The following PRDM11 variants were observed in gnomAD, a reference collection of about 807,000 sequenced individuals.
PRDM11 encodes PR domain-containing protein 11.
A neutral mutation model predicts 97.8 loss-of-function variants in PRDM11; 20 were observed. That is an observed-to-expected ratio of 0.20 (90% CI 0.14 to 0.30). PRDM11 has a LOEUF of 0.30. Among genes scored for constraint, PRDM11 ranks in the 10% least tolerant of loss-of-function variants. The pLI, the probability that PRDM11 is intolerant of heterozygous loss-of-function variation, is 1.00. For synonymous variants in PRDM11, 599 were observed against 637.7 expected (o/e 0.94, Z 0.91); for missense variants, 1,139 against 1,555.2 (o/e 0.73, Z 4.50).
At chr11:45,129,258 T>C (rs1042181972) in intron 1 of PRDM11, among the ~76,000 whole-genome samples, 6 of 152,186 alleles carry the variant, frequency 3.9e-5, no homozygotes, top group Non-Finnish European at 8.8e-5. Context: ...AAGGCTACTA[T>C]CGCTACTTCT....
rs1029044058 is a variant in PRDM11, at chr11:45,219,879, G to A, written c.742+122G>A. The A allele has an allele frequency of 8.2e-6, 10 of 1,221,728 alleles. No individual in the cohort carries two copies. In the East Asian group the frequency reaches 1.5e-4, roughly 19 times the overall value. The allele number at this position is 1,221,728 out of a possible 1,614,324, so 75.7% of individuals were successfully genotyped here. A position where few individuals can be genotyped will look rare whatever the true frequency, so the allele number is the denominator to read the frequency against. The stretch of plus-strand genomic sequence containing the variant: ...GCAATGGGAAGACCCAGAGTGATTC[G>A]GGGGAACAGATGGTTGAGGTCTGAG... On this transcript the variant is annotated intron_variant, in intron 6 of 7. Coordinates refer to ENST00000683152, the MANE Select transcript of PRDM11 (RefSeq NM_001384648.1). This position sits in a 1 kb window ranked among gnomAD's most constrained non-coding sequence, Gnocchi z 4.2.
chr11:45,136,873 A>T (rs4495881), intron 1 of PRDM11, among the ~76,000 whole-genome samples: 3 of 151,692 alleles, frequency 2.0e-5, no homozygotes, highest in African/African-American at 4.9e-5. Flanking sequence ...CCGGGCACAG[A>T]GGCTCCTGCC....
intron 4 of PRDM11, among the ~76,000 whole-genome samples, chr11:45,183,624 CAT>C (rs1219544668): frequency 2.6e-5 from 4 of 152,248 alleles, no homozygotes; most frequent in African/African-American, 7.2e-5. Flanking sequence ...AGCAGGTACA[CAT>C]GTGATATCAG....
chr11:45,182,783 C>G, intron 3 of PRDM11, 78 bp from the exon 4 acceptor site: 1 of 1,461,876 alleles, frequency 6.8e-7, no homozygotes, highest in Non-Finnish European at 9.2e-7. Context: ...GGCCTCCTGT[C>G]AGCCCCTCTA....
chr11:45,169,303 A>G (rs1852144664), intron 1 of PRDM11, among the ~76,000 whole-genome samples: 1 of 152,226 alleles, frequency 6.6e-6, no homozygotes. Context: ...AAAATTCAGT[A>G]AGCAGTAACT....
upstream of PRDM11, chr11:45,095,742 A>T (rs1465119999): frequency 1.9e-5 from 13 of 692,442 alleles, no homozygotes; most frequent in Middle Eastern, 3.2e-4. Flanking sequence ...AATGCAGATT[A>T]TGATGGCCGC....
At chr11:45,111,471 A>C (rs962150680) in intron 1 of PRDM11, among the ~76,000 whole-genome samples, 1 of 152,122 alleles carries the variant, frequency 6.6e-6, no homozygotes. Context: ...AGCTGGCCCA[A>C]CTGAAGGGTG....
At chr11:45,103,770 T>C (rs1057316682) in intron 1 of PRDM11, among the ~76,000 whole-genome samples, 3 of 147,734 alleles carry the variant, frequency 2.0e-5, no homozygotes, top group African/African-American at 7.4e-5. Context: ...ATATAACATA[T>C]ATATTATATA....
intron 1 of PRDM11, among the ~76,000 whole-genome samples, chr11:45,156,525 G>A (rs1047711289): frequency 6.6e-6 from 1 of 152,236 alleles, no homozygotes; most frequent in Non-Finnish European, 1.5e-5. Flanking sequence ...TATGGTGAGA[G>A]ACATGCAGAC....
intron 1 of PRDM11, among the ~76,000 whole-genome samples, chr11:45,156,755 C>T (rs916685380): frequency 9.2e-5 from 14 of 152,168 alleles, no homozygotes; most frequent in African/African-American, 3.4e-4. Context: ...GAGAGCAAGT[C>T]ATTTCGCCCT....
chr11:45,212,812 C>T lies in PRDM11; in HGVS notation c.555-6758C>T, dbSNP rs144361707. 1.5e-4 allele frequency: 67 copies of T among 455,036 alleles called. 1 individual carries two copies. The East Asian group carries it at 3.5e-3, about 24-fold the overall frequency. The allele number at this position is 455,036 out of a possible 1,614,324, so 28.2% of individuals were successfully genotyped here. The stretch of plus-strand genomic sequence containing the variant: ...ACATGGCCAACAGCATGCACGTCAT[C>T]GGCCAGGCCATGGCCGAGCTGACCA... On this transcript the variant is annotated intron_variant, in intron 5 of 7. Coordinates refer to ENST00000683152, the MANE Select transcript of PRDM11 (RefSeq NM_001384648.1).
At chr11:45,146,311 A>G (rs1258199858), upstream of PRDM11, among the ~76,000 whole-genome samples, 1 of 152,246 alleles carries the variant, frequency 6.6e-6, no homozygotes, top group Non-Finnish European at 1.5e-5. Context: ...CGGGAGAGCC[A>G]GGGAGCCCCC....
intron 1 of PRDM11, among the ~76,000 whole-genome samples, chr11:45,106,317 G>A (rs1040968715): frequency 5.3e-5 from 8 of 152,134 alleles, no homozygotes; most frequent in Non-Finnish European, 1.0e-4. Context: ...AGCCGTTCTC[G>A]TTGGAGGCCC....
intron 1 of PRDM11, among the ~76,000 whole-genome samples, chr11:45,134,798 A>AT: frequency 6.6e-6 from 1 of 150,666 alleles, no homozygotes; most frequent in South Asian, 2.1e-4. Flanking sequence ...TAGCAATTTG[A>AT]TGCAGCAGCA....
At chr11:45,143,550 T>G (rs1055738938), upstream of PRDM11, among the ~76,000 whole-genome samples, 56 of 152,120 alleles carry the variant, frequency 3.7e-4, no homozygotes, top group African/African-American at 1.4e-3. Context: ...TAAGGAAATA[T>G]TTCACCACCC....
At chr11:45,134,880 T>A (rs1168815336) in intron 1 of PRDM11, among the ~76,000 whole-genome samples, 2 of 152,108 alleles carry the variant, frequency 1.3e-5, no homozygotes, top group Non-Finnish European at 1.5e-5. Context: ...AATCCTATAA[T>A]GTTTTCCATG....
rs1321104512 is a variant in PRDM11, at chr11:45,229,605, C to T, written c.*1446C>T. On this transcript the variant is annotated 3_prime_UTR_variant, in exon 8 of 8. Transcript: ENST00000683152. ...GTGGTTTAAACTAGAGGAGTCTGAT[C>T]AATGCTCTTTCATTCATTTAACTAC... is the stretch of plus-strand genomic sequence containing the variant. 1 of 152,168 alleles carries T rather than the reference C, an allele frequency of 6.6e-6. No individual in the cohort carries two copies. Among genetic ancestry groups the T allele is most frequent in the Non-Finnish European group, 1.5e-5 (1 of 68,044 alleles). 9.4% of individuals were successfully genotyped at this position (152,168 alleles called of 1,614,324 possible).
chr11:45,188,604 A>T (rs893707334), intron 4 of PRDM11, among the ~76,000 whole-genome samples: 2 of 152,282 alleles, frequency 1.3e-5, no homozygotes, highest in African/African-American at 4.8e-5. Context: ...GGCCTGGGTC[A>T]TAATGGACCG....
At chr11:45,151,718 G>A (rs991822831) in intron 1 of PRDM11, among the ~76,000 whole-genome samples, 1 of 152,234 alleles carries the variant, frequency 6.6e-6, no homozygotes, top group Non-Finnish European at 1.5e-5. Flanking sequence ...GGAAAGCTTC[G>A]CTGAGGAGGA....
Sources: allele counts gnomAD v4.1 joint callset (sites outside exome capture counted in the v4.1 genomes callset), GRCh38; gene constraint gnomAD v4.1.1; non-coding constraint Gnocchi (gnomAD v3.1); transcripts MANE v1.5; gene names NCBI Gene and HGNC (gene_info 2026-07-23, HGNC 2026-07-21).